Variants in GNG12 observed in about 807,000 individuals in gnomAD.
GNG12 encodes guanine nucleotide-binding protein G(I)/G(S)/G(O) subunit gamma-12.
For synonymous variants in GNG12, 28 were observed against 29.7 expected, an observed-to-expected ratio of 0.94 and a Z score of 0.19; for missense variants, 69 against 83.8, an observed-to-expected ratio of 0.82 and a Z score of 0.69.
chr1:67,806,411 C>G (rs1228168006), intron 1 of GNG12, among the ~76,000 whole-genome samples: 1 of 151,802 alleles, frequency 6.6e-6, no homozygotes, highest in East Asian at 1.9e-4. Context: ...ATGAAAAATA[C>G]AATATTTAAT....
At chr1:67,808,213 G>A (rs1165392742) in intron 1 of GNG12, among the ~76,000 whole-genome samples, 7 of 151,898 alleles carry the variant, frequency 4.6e-5, no homozygotes, top group African/African-American at 7.3e-5. Flanking sequence ...TCACATGATC[G>A]TATCAACAGA....
intron 1 of GNG12, among the ~76,000 whole-genome samples, chr1:67,788,961 G>T (rs1260915504): frequency 6.6e-6 from 1 of 152,164 alleles, no homozygotes; most frequent in Non-Finnish European, 1.5e-5. Flanking sequence ...AAATGATGAG[G>T]ACAGTGAATG....
intron 2 of GNG12, among the ~76,000 whole-genome samples, chr1:67,769,246 AT>A (rs1162195156): frequency 1.1e-4 from 17 of 152,178 alleles, no homozygotes; most frequent in African/African-American, 3.6e-4. Context: ...TGGGGGGTCT[AT>A]ACTCAGCGAG....
At chr1:67,723,560 G>C (rs1455658962) in intron 2 of GNG12, among the ~76,000 whole-genome samples, 1 of 152,156 alleles carries the variant, frequency 6.6e-6, no homozygotes, top group Non-Finnish European at 1.5e-5. Context: ...TTGGAATTAA[G>C]AGTTAATATT....
At chr1:67,786,517 G>C (rs932684613) in intron 1 of GNG12, among the ~76,000 whole-genome samples, 6 of 152,154 alleles carry the variant, frequency 3.9e-5, no homozygotes, top group Non-Finnish European at 5.9e-5. Context: ...TAGAGGAAGA[G>C]GGTTTGTAGC....
chr1:67,794,724 C>T (rs565290272), intron 1 of GNG12, among the ~76,000 whole-genome samples: 24 of 152,292 alleles, frequency 1.6e-4, no homozygotes, highest in South Asian at 1.0e-3. Flanking sequence ...TCTCCTCTAA[C>T]GTAGAATTGA....
At chr1:67,788,083 G>GAACCAC (rs1208538572) in intron 1 of GNG12, among the ~76,000 whole-genome samples, 10 of 152,184 alleles carry the variant, frequency 6.6e-5, no homozygotes, top group Non-Finnish European at 4.4e-5. Context: ...TGAATCCTTT[G>GAACCAC]AACCACGGAA....
Position 67,771,945 on chromosome 1 carries a change from T to C in GNG12, c.-27+5513A>G, listed in dbSNP as rs371156877. Among the ~76,000 whole-genome samples the C allele has an allele frequency of 1.3e-5, 2 of 152,246 alleles. 1 individual carries two copies. Among genetic ancestry groups the C allele is most frequent in the Non-Finnish European group, 2.9e-5 (2 of 68,046 alleles). On this transcript the variant is annotated intron_variant, in intron 2 of 3. Transcript: ENST00000370982. Reference sequence around the variant, plus strand: ...TTAATGCAACATGCTCAGCCACTGATGTCACTGTGTCTGTTCCATAAGGAG... The same window carrying C: ...TTAATGCAACATGCTCAGCCACTGACGTCACTGTGTCTGTTCCATAAGGAG...
chr1:67,781,922 T>C (rs1646739760), intron 1 of GNG12, among the ~76,000 whole-genome samples: 1 of 152,142 alleles, frequency 6.6e-6, no homozygotes, highest in Non-Finnish European at 1.5e-5. Context: ...TTAAGAAGTC[T>C]AGAACCATAC....
chr1:67,823,502 A>G (rs1384296848), intron 1 of GNG12, among the ~76,000 whole-genome samples: 1 of 152,202 alleles, frequency 6.6e-6, no homozygotes, highest in Non-Finnish European at 1.5e-5. Flanking sequence ...TCTGACAGAG[A>G]TGTATGCAAG....
chr1:67,781,916 G>C (rs116492476), intron 1 of GNG12, among the ~76,000 whole-genome samples: 2,713 of 152,230 alleles, frequency 0.018, 38 homozygotes, highest in Non-Finnish European at 0.023. Flanking sequence ...AAAGCATTAA[G>C]AAGTCTAGAA....
chr1:67,802,623 C>T (rs1490077394), intron 1 of GNG12, among the ~76,000 whole-genome samples: 3 of 152,106 alleles, frequency 2.0e-5, no homozygotes, highest in African/African-American at 4.8e-5. Flanking sequence ...CATTTAAGGC[C>T]CGGGCTCTCT....
intron 3 of GNG12, among the ~76,000 whole-genome samples, chr1:67,707,351 C>G (rs1385619834): frequency 6.6e-6 from 1 of 152,174 alleles, no homozygotes; most frequent in Non-Finnish European, 1.5e-5. Context: ...TCAGGGGAGA[C>G]AGGTCCTTAG....
At chr1:67,765,245 G>A (rs561385074) in intron 2 of GNG12, among the ~76,000 whole-genome samples, 1 of 152,154 alleles carries the variant, frequency 6.6e-6, no homozygotes, top group East Asian at 1.9e-4. Context: ...CACGAGTAAC[G>A]ATCTCTTAAC....
intron 2 of GNG12, among the ~76,000 whole-genome samples, chr1:67,746,894 G>A (rs963015118): frequency 6.6e-6 from 1 of 151,974 alleles, no homozygotes; most frequent in Non-Finnish European, 1.5e-5. Context: ...GTGAAAGGCA[G>A]CTAAACATTC....
intron 1 of GNG12, among the ~76,000 whole-genome samples, chr1:67,829,790 C>T (rs1180876344): frequency 1.3e-5 from 2 of 152,154 alleles, no homozygotes; most frequent in African/African-American, 2.4e-5. Context: ...AGCATAATGT[C>T]ATAGGCAAGA....
At chr1:67,779,127 G>A (rs952435051) in intron 1 of GNG12, among the ~76,000 whole-genome samples, 4 of 152,332 alleles carry the variant, frequency 2.6e-5, no homozygotes, top group Admixed American at 6.5e-5. Flanking sequence ...TTTCTCAAAT[G>A]GGTCTTTTAG....
At chr1:67,803,477 A>G (rs1367112585) in intron 1 of GNG12, among the ~76,000 whole-genome samples, 1 of 152,240 alleles carries the variant, frequency 6.6e-6, no homozygotes, top group Non-Finnish European at 1.5e-5. Flanking sequence ...GTGAGAGAAC[A>G]GCAGCCTGGA....
chr1:67,732,925 T>G (rs996097699), intron 2 of GNG12, among the ~76,000 whole-genome samples: 9 of 152,238 alleles, frequency 5.9e-5, no homozygotes, highest in Admixed American at 5.2e-4. Context: ...ATTAAGCGCT[T>G]TATCATGGCC....
Sources: allele counts gnomAD v4.1 joint callset (sites outside exome capture counted in the v4.1 genomes callset), GRCh38; gene constraint gnomAD v4.1.1; transcripts MANE v1.5; gene names NCBI Gene and HGNC (gene_info 2026-07-23, HGNC 2026-07-21).